CDYL2: variants seen among roughly 807,000 people sequenced by gnomAD.
The protein encoded by CDYL2 is chromodomain Y-like protein 2.
In CDYL2, 23 loss-of-function variants were observed where a neutral mutation model predicts 49.4. The ratio of observed to expected loss-of-function variants is 0.47; its 90% CI spans 0.34 to 0.66. The LOEUF (loss-of-function observed/expected upper bound fraction) is 0.66, where lower values mean the gene tolerates loss of function less well. CDYL2 is among the 30% of genes least tolerant of loss of function. CDYL2 has a pLI of 0.01. For missense variants in CDYL2, 678 were observed against 656.4 expected (o/e 1.03, Z -0.36); for synonymous variants, 360 against 268.8 (o/e 1.34, Z -3.32).
intron 2 of CDYL2, among the ~76,000 whole-genome samples, chr16:80,661,834 T>C (rs1046972076): frequency 6.6e-6 from 1 of 152,176 alleles, no homozygotes; most frequent in Non-Finnish European, 1.5e-5. Flanking sequence ...TACCAGACTG[T>C]GGCCTCTTGA....
At chr16:80,665,966 C>T (rs995927940) in intron 2 of CDYL2, among the ~76,000 whole-genome samples, 15 of 152,142 alleles carry the variant, frequency 9.9e-5, no homozygotes, top group Admixed American at 2.6e-4. Context: ...AATGAAAAAA[C>T]GACAGGGCAG....
chr16:80,645,305 C>T (rs1473271108), intron 2 of CDYL2, among the ~76,000 whole-genome samples: 2 of 152,052 alleles, frequency 1.3e-5, no homozygotes, highest in African/African-American at 4.8e-5. Context: ...AAAAACAACC[C>T]CATCAACAAG....
intron 1 of CDYL2, among the ~76,000 whole-genome samples, chr16:80,722,859 C>A (rs953840123): frequency 1.3e-5 from 2 of 152,196 alleles, no homozygotes; most frequent in African/African-American, 4.8e-5. Context: ...AAGCTTCCAA[C>A]ATACAAAGGG....
intron 2 of CDYL2, among the ~76,000 whole-genome samples, chr16:80,638,749 A>G (rs1447081603): frequency 6.6e-6 from 1 of 152,204 alleles, no homozygotes; most frequent in Non-Finnish European, 1.5e-5. Flanking sequence ...AACAAATTGT[A>G]CTGGAACAAA....
At chr16:80,632,873 C>G (rs909335427) in intron 3 of CDYL2, 146 bp downstream of exon 3, 7 of 679,034 alleles carry the variant, frequency 1.0e-5, no homozygotes, top group South Asian at 3.6e-5. Context: ...AAATGATGAG[C>G]AAATTGCGCG....
rs763954319 is a variant in CDYL2, at chr16:80,612,631, C to T, written c.1213G>A (p.Ala405Thr). Reference protein sequence around the residue: ...SYTFPQILGVALANEMLFCGR... With the variant: ...SYTFPQILGVTLANEMLFCGR... ...AGGTATCACAGGAGGCTTACCAGCGCGACGCCCAGGATCTGGGGGAAGGTG... is the reference window on the plus strand; with the variant it reads ...AGGTATCACAGGAGGCTTACCAGCGTGACGCCCAGGATCTGGGGGAAGGTG... Residue 405 changes from alanine (A) to threonine (T), a missense_variant, in exon 5 of 7, where the codon GCG (alanine) becomes ACG (threonine). Ala to Thr is a moderately conservative substitution (Grantham distance 58, BLOSUM62 0). This residue lies in a region of CDYL2 where 153 missense variants were observed against 150.6 expected (regional missense o/e 1.02). Coordinates refer to ENST00000570137, the MANE Select transcript of CDYL2 (RefSeq NM_152342.4). The surrounding 1 kb of genome is among the most constrained non-coding windows in gnomAD (Gnocchi z 5.0). 7.5e-6 allele frequency: 12 copies of T among 1,605,088 alleles called. No individual in the cohort carries two copies. Among genetic ancestry groups the T allele is most frequent in the Admixed American group, 1.7e-5 (1 of 59,430 alleles).
chr16:80,712,189 G>GTATATATATATATATATATATA (rs527296483), intron 1 of CDYL2, among the ~76,000 whole-genome samples: 14 of 75,848 alleles, frequency 1.8e-4, no homozygotes, highest in African/African-American at 2.7e-4. Context: ...GTGTCTGTGT[G>GTATATATATATATATATATATA]TGTATATATA....
At chr16:80,759,101 A>AATATAT (rs1906421754) in intron 1 of CDYL2, among the ~76,000 whole-genome samples, 1 of 29,312 alleles carries the variant, frequency 3.4e-5, no homozygotes, top group Non-Finnish European at 5.2e-5. Context: ...CAAACCATAT[A>AATATAT]CTATATATAT....
intron 1 of CDYL2, among the ~76,000 whole-genome samples, chr16:80,789,787 A>G (rs1907551553): frequency 6.6e-6 from 1 of 152,228 alleles, no homozygotes; most frequent in African/African-American, 2.4e-5. Context: ...GAAGGCCATT[A>G]TCCTAAATGA....
intron 2 of CDYL2, among the ~76,000 whole-genome samples, chr16:80,653,581 G>A (rs75587142): frequency 0.017 from 2,543 of 152,054 alleles, 59 homozygotes; most frequent in African/African-American, 0.039. Flanking sequence ...GTACATAATA[G>A]GTGTACATAT....
intron 1 of CDYL2, among the ~76,000 whole-genome samples, chr16:80,760,529 G>C (rs1242708465): frequency 6.6e-6 from 1 of 151,972 alleles, no homozygotes; most frequent in Non-Finnish European, 1.5e-5. Context: ...TGAGGGAATG[G>C]ATTCCCCATT....
chr16:80,790,036 A>T (rs952244599), intron 1 of CDYL2, among the ~76,000 whole-genome samples: 1 of 152,222 alleles, frequency 6.6e-6, no homozygotes, highest in Non-Finnish European at 1.5e-5. Flanking sequence ...TAGCACATGT[A>T]CCCCAAAATC....
chr16:80,694,946 A>T (rs1449096482), intron 1 of CDYL2, among the ~76,000 whole-genome samples: 1 of 152,268 alleles, frequency 6.6e-6, no homozygotes, highest in African/African-American at 2.4e-5. Flanking sequence ...CAAAACTGGA[A>T]CAATCTGAGT....
rs1447683902 is a variant in CDYL2, at chr16:80,620,834, A to G, written c.936T>C (p.Asp312=). 3 of 1,613,582 alleles carry G rather than the reference A, an allele frequency of 1.9e-6. No individual in the cohort carries two copies. In the Admixed American group the frequency reaches 5.0e-5, roughly 27 times the overall value. ...AVGSVFCSGL[D]YSYLIGRLSS... Reference sequence around the variant, plus strand: ...ACAACCGGCCAATTAGGTAGGAATAATCCAGGCCGCTGCAGAACACGCTCC... The same window carrying G: ...ACAACCGGCCAATTAGGTAGGAATAGTCCAGGCCGCTGCAGAACACGCTCC... The change falls in exon 4 of 7, where the codon GAT becomes GAC. Residue 312 remains aspartate (D), a synonymous_variant. Coordinates refer to ENST00000570137, the MANE Select transcript of CDYL2 (RefSeq NM_152342.4).
At position 80,666,527 on chromosome 16, in the gene CDYL2, G is replaced by C. The variant is rs371055588; in HGVS notation, c.616+18011C>G. 2.0e-5 allele frequency among the ~76,000 whole-genome samples: 3 copies of C among 152,266 alleles called. No homozygotes were observed. The South Asian group carries it at 6.2e-4, about 32-fold the overall frequency. ...TTTATTAAGAGTCTACTGTGGCTTC[G>C]TGAATATAAAGGGAAGAGGAACACA... is the stretch of plus-strand genomic sequence containing the variant. On this transcript the variant is annotated intron_variant, in intron 2 of 6. Coordinates refer to ENST00000570137, the MANE Select transcript of CDYL2 (RefSeq NM_152342.4).
At position 80,794,598 on chromosome 16, in the gene CDYL2, ATTTTTTTT is replaced by A. The variant is rs966789395; in HGVS notation, c.24+9544_24+9551del. Among the ~76,000 whole-genome samples, 528 of 66,838 alleles carry A rather than the reference ATTTTTTTT, an allele frequency of 7.9e-3. 19 individuals are homozygous for A. Among genetic ancestry groups the A allele is most frequent in the East Asian group, 0.062 (139 of 2,246 alleles). The allele number at this position is 66,838 out of a possible 152,430, so 43.8% of individuals were successfully genotyped here. On this transcript the variant is annotated intron_variant, in intron 1 of 6. Coordinates refer to ENST00000570137, the MANE Select transcript of CDYL2 (RefSeq NM_152342.4). ...TTTTTTAATTATTACATTCCCAGTG[ATTTTTTTT>A]TTTTTTTTTTTTTTTTTTTTTTGGG... is the stretch of plus-strand genomic sequence containing the variant.
chr16:80,671,334 C>T (rs780901166), intron 2 of CDYL2, among the ~76,000 whole-genome samples: 15 of 152,280 alleles, frequency 9.9e-5, no homozygotes, highest in Non-Finnish European at 1.8e-4. Context: ...GTATTTCTGC[C>T]AGTTCATCAA....
Position 80,684,739 on chromosome 16 carries a change from T to C in CDYL2, c.415A>G (p.Thr139Ala). 2 of 1,614,152 alleles carry C rather than the reference T, an allele frequency of 1.2e-6. No homozygotes were observed. The highest frequency in any genetic ancestry group is 1.7e-6 in the Non-Finnish European group (2 of 1,180,030). Residue 139 changes from threonine (T) to alanine (A), a missense_variant, in exon 2 of 7, where the codon ACT becomes GCT. By Grantham distance (58) the Thr-to-Ala change is moderately conservative. Transcript: ENST00000570137. ...ATTATTTGCAAACCACTGGGGGTAGTCCTGTAAGACACCGTCTTGGTGGCC... is the reference window on the plus strand; with the variant it reads ...ATTATTTGCAAACCACTGGGGGTAGCCCTGTAAGACACCGTCTTGGTGGCC... Reference protein sequence around the residue: ...DRATKTVSYRTTPSGLQIMPL... With the variant: ...DRATKTVSYRATPSGLQIMPL...
intron 1 of CDYL2, among the ~76,000 whole-genome samples, chr16:80,756,063 T>C (rs145800944): frequency 6.6e-6 from 1 of 152,270 alleles, no homozygotes; most frequent in African/African-American, 2.4e-5. Flanking sequence ...ATAATAGTGA[T>C]ATGGCCAAAA....
Sources: gnomAD v4.1 joint callset for allele counts (sites outside exome capture counted in the v4.1 genomes callset) on GRCh38, gnomAD v4.1.1 for gene constraint, gnomAD v4.1.1 regional missense constraint, Gnocchi (gnomAD v3.1) non-coding constraint, MANE v1.5 for transcripts, NCBI Gene and HGNC (gene_info 2026-07-23, HGNC 2026-07-21) for gene names.